DNAH7: variants seen among roughly 807,000 people sequenced by gnomAD.
DNAH7 encodes the protein axonemal beta dynein heavy chain 7.
DNAH7 carries 397 observed loss-of-function variants against 444.6 expected under a neutral mutation model. The observed-to-expected ratio is 0.89, with a 90% CI of 0.82 to 0.97. The LOEUF is 0.97. Ranked by LOEUF, DNAH7 falls within the 50% of genes least tolerant of loss-of-function variation. The pLI, the probability that DNAH7 is intolerant of heterozygous loss-of-function variation, is 0.00. For synonymous variants in DNAH7, 1,636 were observed against 1,624.4 expected, an observed-to-expected ratio of 1.01 and a Z score of -0.17; for missense variants, 4,902 against 4,800.8, an observed-to-expected ratio of 1.02 and a Z score of -0.62.
rs538495738 is a variant in DNAH7, at chr2:195,748,508, A to G, written c.11764+5829T>C. On this transcript the variant is annotated intron_variant, in intron 63 of 64. Coordinates refer to ENST00000312428, the MANE Select transcript of DNAH7 (RefSeq NM_018897.3). Reference sequence around the variant, plus strand: ...TACTTTAAAGTTCATATGGAACCAAAAAAGAGCCCACATCGCGAAGTCAAT... The same window carrying G: ...TACTTTAAAGTTCATATGGAACCAAGAAAGAGCCCACATCGCGAAGTCAAT... 1.9e-3 allele frequency among the ~76,000 whole-genome samples: 294 copies of G among 152,342 alleles called. 1 individual carries two copies. The highest frequency in any genetic ancestry group is 6.7e-3 in the African/African-American group (277 of 41,580).
At chr2:195,964,019 T>C (rs1406608608) in intron 17 of DNAH7, among the ~76,000 whole-genome samples, 4 of 152,178 alleles carry the variant, frequency 2.6e-5, no homozygotes, top group Non-Finnish European at 5.9e-5. Flanking sequence ...AAGCTCTGAA[T>C]CCTAATTTGA....
At chr2:195,843,244 T>A (rs1049346682) in intron 47 of DNAH7, among the ~76,000 whole-genome samples, 1 of 152,218 alleles carries the variant, frequency 6.6e-6, no homozygotes, top group East Asian at 1.9e-4. Context: ...GAGCTGCCCT[T>A]CTGTGCTTTG....
chr2:195,907,096 G>T, intron 25 of DNAH7, 87 bp from the exon 26 acceptor site: 1 of 1,001,356 alleles, frequency 1.0e-6, no homozygotes, highest in Non-Finnish European at 1.5e-6. Context: ...TCTTTTCAAG[G>T]ATTTAATATC....
chr2:195,854,810 T>C (rs1027550586), intron 45 of DNAH7, among the ~76,000 whole-genome samples: 12 of 152,184 alleles, frequency 7.9e-5, no homozygotes, highest in Non-Finnish European at 1.3e-4. Flanking sequence ...AGTTGAAAAA[T>C]GTTTAAAGAG....
chr2:195,749,219 C>A (rs1365097472), intron 63 of DNAH7, among the ~76,000 whole-genome samples: 8 of 152,188 alleles, frequency 5.3e-5, no homozygotes, highest in African/African-American at 1.2e-4. Flanking sequence ...CAGCCAAAAA[C>A]CACATGAAAA....
rs185684587 is a variant in DNAH7, at chr2:195,876,536, G to C, written c.6117+8C>G. ...AATAGGCCCGGGTACTGTACAAAGA[G>C]TCATTACCATTCTCTTGCCCAAAGG... On this transcript the variant is annotated splice_region_variant and intron_variant, in intron 37 of 64. Transcript: ENST00000312428. 523 of 1,613,274 alleles carry C rather than the reference G, an allele frequency of 3.2e-4. 1 individual carries two copies. In the African/African-American group the frequency reaches 6.4e-3, roughly 20 times the overall value.
chr2:195,823,933 T>C (rs1030384995), intron 49 of DNAH7, among the ~76,000 whole-genome samples: 1 of 152,218 alleles, frequency 6.6e-6, no homozygotes, highest in Non-Finnish European at 1.5e-5. Flanking sequence ...TCAATTTCAA[T>C]AATTAGCATA....
intron 19 of DNAH7, among the ~76,000 whole-genome samples, chr2:195,943,981 T>C (rs996972313): frequency 6.6e-6 from 1 of 152,254 alleles, no homozygotes; most frequent in South Asian, 2.1e-4. Flanking sequence ...TCTGATTCCT[T>C]ACATACCTCT....
intron 47 of DNAH7, among the ~76,000 whole-genome samples, chr2:195,843,718 T>G (rs940946203): frequency 6.6e-6 from 1 of 152,188 alleles, no homozygotes; most frequent in Non-Finnish European, 1.5e-5. Flanking sequence ...AGTAAATGAA[T>G]GCTAAAGAAA....
chr2:195,873,787 T>C (rs1700861624), intron 38 of DNAH7, 93 bp from the exon 39 acceptor site: 3 of 956,530 alleles, frequency 3.1e-6, no homozygotes, highest in Non-Finnish European at 4.3e-6. Flanking sequence ...ACTTGAAAGA[T>C]GGACAAATTC....
At chr2:196,019,133 A>G (rs1313274371) in intron 9 of DNAH7, 37 bp downstream of exon 9, 4 of 1,389,786 alleles carry the variant, frequency 2.9e-6, no homozygotes, top group African/African-American at 1.5e-5. Flanking sequence ...ACTTCCCTCT[A>G]TATTTTAAAA....
intron 61 of DNAH7, among the ~76,000 whole-genome samples, chr2:195,760,001 C>A (rs562071997): frequency 5.9e-5 from 9 of 152,120 alleles, no homozygotes; most frequent in Non-Finnish European, 1.3e-4. Flanking sequence ...ATAGAAAAAT[C>A]TTCTTAATCA....
Position 195,817,612 on chromosome 2 carries a change from CAA to C in DNAH7, c.9425+82_9425+83del, listed in dbSNP as rs1351345802. On this transcript the variant is annotated intron_variant, in intron 50 of 64. Transcript: ENST00000312428. ...CTTGCAGTATTCCTATTAAATCTAACAAAAGAGATCTGTAAAATGTATTTTAA... is the reference window on the plus strand; with the variant it reads ...CTTGCAGTATTCCTATTAAATCTAACAAGAGATCTGTAAAATGTATTTTAA... The C allele has an allele frequency of 4.4e-6, 6 of 1,378,626 alleles. No homozygotes were observed. The East Asian group carries it at 9.4e-5, about 22-fold the overall frequency. 85.4% of individuals were successfully genotyped at this position (1,378,626 alleles called of 1,614,324 possible). A position where few individuals can be genotyped will look rare whatever the true frequency, so the allele number is the denominator to read the frequency against.
chr2:195,825,705 T>G (rs1206934879), intron 48 of DNAH7, among the ~76,000 whole-genome samples: 1 of 152,182 alleles, frequency 6.6e-6, no homozygotes, highest in East Asian at 1.9e-4. Context: ...CATTTTGGTG[T>G]TTGGGATGCT....
intron 24 of DNAH7, among the ~76,000 whole-genome samples, chr2:195,918,577 T>A (rs1687827692): frequency 6.6e-6 from 1 of 152,074 alleles, no homozygotes; most frequent in South Asian, 2.1e-4. Context: ...TAATAAAGTA[T>A]TATTTGTCAA....
intron 44 of DNAH7, among the ~76,000 whole-genome samples, chr2:195,856,194 T>C (rs952018028): frequency 1.5e-4 from 23 of 152,212 alleles, no homozygotes; most frequent in African/African-American, 5.5e-4. Flanking sequence ...TTTATTAAAA[T>C]AGACATCAAA....
chr2:195,784,022 C>T (rs1022145357), intron 58 of DNAH7, among the ~76,000 whole-genome samples: 1 of 152,172 alleles, frequency 6.6e-6, no homozygotes, highest in Admixed American at 6.5e-5. Context: ...ACCTGCACAG[C>T]CTCCCCCAGT....
chr2:195,960,274 A>G lies in DNAH7; in HGVS notation c.2877T>C (p.Tyr959=), dbSNP rs1204022015. 3 of 1,606,778 alleles carry G rather than the reference A, an allele frequency of 1.9e-6. No individual in the cohort carries two copies. The highest frequency in any genetic ancestry group is 2.7e-5 in the African/African-American group (2 of 74,706). Residue 959 remains tyrosine (Y), a synonymous_variant, in exon 18 of 65, where the codon TAT becomes TAC. Transcript: ENST00000312428. ...TMRGSPFIKP[Y]EKQMREWEGK... ...TATCACTTTACCTCATTTGTTTTTC[A>G]TAAGGCTTAATGAAAGGAGATCCTC... is the stretch of plus-strand genomic sequence containing the variant.
chr2:195,740,633 AT>A (rs1692960589), intron 64 of DNAH7, 132 bp downstream of exon 64: 3 of 102,628 alleles, frequency 2.9e-5, no homozygotes, highest in South Asian at 3.3e-4. Flanking sequence ...ATATATATAT[AT>A]ATATATATAT....
Sources: allele counts gnomAD v4.1 joint callset (sites outside exome capture counted in the v4.1 genomes callset), GRCh38; gene constraint gnomAD v4.1.1; transcripts MANE v1.5; gene names NCBI Gene and HGNC (gene_info 2026-07-23, HGNC 2026-07-21).